Variants in LZTFL1 observed in about 807,000 individuals in gnomAD.
LZTFL1 encodes leucine zipper transcription factor like 1.
A neutral mutation model predicts 45.9 loss-of-function variants in LZTFL1; 25 were observed. That is an observed-to-expected ratio of 0.54 (90% confidence interval 0.40 to 0.76). The LOEUF (loss-of-function observed/expected upper bound fraction) is 0.76, where lower values mean the gene tolerates loss of function less well. Ranked by LOEUF, LZTFL1 falls within the 30% of genes least tolerant of loss-of-function variation. The pLI is 0.00. For missense variants in LZTFL1, 277 were observed against 331.1 expected, an observed-to-expected ratio of 0.84 and a Z score of 1.27; for synonymous variants, 93 against 117.4, an observed-to-expected ratio of 0.79 and a Z score of 1.35.
At chr3:45,870,925 T>G (rs921466095) in intron 2 of LZTFL1, among the ~76,000 whole-genome samples, 14 of 152,264 alleles carry the variant, frequency 9.2e-5, no homozygotes, top group Admixed American at 5.9e-4. Flanking sequence ...TTGAGTGTTT[T>G]GTTTTTATCA....
At chr3:45,833,383 G>T (rs1017471016) in intron 4 of LZTFL1, among the ~76,000 whole-genome samples, 82 of 152,204 alleles carry the variant, frequency 5.4e-4, no homozygotes, top group African/African-American at 1.9e-3. Flanking sequence ...TATATAGATA[G>T]AAGGAAAATG....
At chr3:45,895,025 G>A (rs987902783) in intron 2 of LZTFL1, 1 of 1,452,850 alleles carries the variant, frequency 6.9e-7, no homozygotes, top group African/African-American at 1.4e-5. Flanking sequence ...GGTGTGGGAA[G>A]GATCCACTGT....
At chr3:45,855,058 G>A in exon 4 of LZTFL1, 2 of 1,531,622 alleles carry the variant, frequency 1.3e-6, no homozygotes, top group Non-Finnish European at 1.7e-6. Flanking sequence ...CAACTTGATG[G>A]ATTTTCTCTG....
At chr3:45,869,997 G>A (rs895173322) in intron 2 of LZTFL1, among the ~76,000 whole-genome samples, 10 of 152,224 alleles carry the variant, frequency 6.6e-5, no homozygotes, top group African/African-American at 2.2e-4. Context: ...AACTCTCCAT[G>A]TCATTTTGTC....
Position 45,900,793 on chromosome 3 carries a change from CT to C in LZTFL1, c.-215+12326del. The C allele has an allele frequency of 6.3e-7, 1 of 1,597,270 alleles. No individual in the cohort carries two copies. Among genetic ancestry groups the C allele is most frequent in the Non-Finnish European group, 8.5e-7 (1 of 1,169,782 alleles). ...AATATTTTCCTTGACCTAATGCCATCTTGTGTCCCCTTGCAGAGCCCTATTC... is the reference window on the plus strand; with the variant it reads ...AATATTTTCCTTGACCTAATGCCATCTGTGTCCCCTTGCAGAGCCCTATTC... On this transcript the variant is annotated intron_variant, in intron 2 of 4. Coordinates refer to the LZTFL1 transcript ENST00000472635. This position sits in a 1 kb window ranked among gnomAD's most constrained non-coding sequence, Gnocchi z 4.7.
At chr3:45,907,939 C>T (rs1575312209) in intron 2 of LZTFL1, among the ~76,000 whole-genome samples, 1 of 152,218 alleles carries the variant, frequency 6.6e-6, no homozygotes, top group African/African-American at 2.4e-5. Flanking sequence ...GAAAGAGCTA[C>T]AGCAATGGAA....
rs149866729 is a variant in LZTFL1, at chr3:45,873,154, T to A, written c.-214-14138A>T. Among the ~76,000 whole-genome samples, 138 of 152,314 alleles carry A rather than the reference T, an allele frequency of 9.1e-4. 1 individual carries two copies. The highest frequency in any genetic ancestry group is 1.6e-3 in the Non-Finnish European group (110 of 68,008). On this transcript the variant is annotated intron_variant, in intron 2 of 4. Coordinates refer to the LZTFL1 transcript ENST00000472635. ...CTGCTAGTCCTATTCCCCAAACCAA[T>A]TTTTCAAGCTTCTCAAACTTTACTG...
intron 2 of LZTFL1, among the ~76,000 whole-genome samples, chr3:45,871,135 T>C (rs1701664559): frequency 6.6e-6 from 1 of 152,230 alleles, no homozygotes; most frequent in Non-Finnish European, 1.5e-5. Flanking sequence ...TGGTATTTCA[T>C]CTTCACCCAC....
intron 2 of LZTFL1, among the ~76,000 whole-genome samples, chr3:45,885,285 A>G (rs1701949847): frequency 6.6e-6 from 1 of 152,114 alleles, no homozygotes; most frequent in Admixed American, 6.5e-5. Context: ...AAATATATAA[A>G]AGGGATCTTT....
At chr3:45,869,562 C>G (rs1701637741) in intron 2 of LZTFL1, among the ~76,000 whole-genome samples, 1 of 152,172 alleles carries the variant, frequency 6.6e-6, no homozygotes, top group African/African-American at 2.4e-5. Flanking sequence ...TCCTCTGGTC[C>G]ATCTCTAACT....
Position 45,900,960 on chromosome 3 carries a change from G to A in LZTFL1, c.-215+12160C>T, listed in dbSNP as rs772583604. The A allele has an allele frequency of 1.1e-5, 18 of 1,610,736 alleles. No individual in the cohort carries two copies. Among genetic ancestry groups the A allele is most frequent in the South Asian group, 5.5e-5 (5 of 90,994 alleles). On this transcript the variant is annotated intron_variant, in intron 2 of 4. Coordinates refer to the LZTFL1 transcript ENST00000472635. This position sits in a 1 kb window ranked among gnomAD's most constrained non-coding sequence, Gnocchi z 4.7. Reference sequence around the variant, plus strand: ...TTTCCTCCCACCCTTGTACTGGCTCGTGTTCATCGTGGGTGCCTTGGGCAA... The same window carrying A: ...TTTCCTCCCACCCTTGTACTGGCTCATGTTCATCGTGGGTGCCTTGGGCAA...
Position 45,879,812 on chromosome 3 carries a change from G to C in LZTFL1, c.-214-20796C>G, listed in dbSNP as rs192769614. The stretch of plus-strand genomic sequence containing the variant: ...ACAATTTTGCTGTGAACCTAAAACT[G>C]CTCTAAAAAACAAAGCCTATTTAAA... On this transcript the variant is annotated intron_variant, in intron 2 of 4. Coordinates refer to the LZTFL1 transcript ENST00000472635. Among the ~76,000 whole-genome samples, 291 of 152,146 alleles carry C rather than the reference G, an allele frequency of 1.9e-3. 1 individual carries two copies. Among genetic ancestry groups the C allele is most frequent in the Non-Finnish European group, 3.1e-3 (213 of 68,012 alleles).
rs1179744965 is a variant in LZTFL1, at chr3:45,901,144, G to A, written c.-215+11976C>T. On this transcript the variant is annotated intron_variant, in intron 2 of 4. Coordinates refer to the LZTFL1 transcript ENST00000472635. This position sits in a 1 kb window ranked among gnomAD's most constrained non-coding sequence, Gnocchi z 4.3. Reference sequence around the variant, plus strand: ...CAGTGGAAGTTCCAGACCTTCATGTGCAAGGTGGTCAACAGCATGTACAAG... The same window carrying A: ...CAGTGGAAGTTCCAGACCTTCATGTACAAGGTGGTCAACAGCATGTACAAG... 6.2e-7 allele frequency: 1 copy of A among 1,614,054 alleles called. No homozygotes were observed. Among genetic ancestry groups the A allele is most frequent in the Non-Finnish European group, 8.5e-7 (1 of 1,180,024 alleles).
At chr3:45,848,885 G>A (rs1701264497) in intron 4 of LZTFL1, among the ~76,000 whole-genome samples, 1 of 151,988 alleles carries the variant, frequency 6.6e-6, no homozygotes, top group African/African-American at 2.4e-5. Context: ...ATATTTCCGT[G>A]AGTTTTTTCA....
intron 3 of LZTFL1, among the ~76,000 whole-genome samples, chr3:45,855,939 T>C (rs1701385801): frequency 1.3e-5 from 2 of 152,122 alleles, no homozygotes; most frequent in Non-Finnish European, 2.9e-5. Context: ...TGCTTATGGA[T>C]AGGAAGAATC....
At chr3:45,884,193 GC>G (rs1164054440) in intron 2 of LZTFL1, 7 of 152,372 alleles carry the variant, frequency 4.6e-5, no homozygotes, top group African/African-American at 1.7e-4. Context: ...GAGAGAAATA[GC>G]CCTTAGAAAA....
At chr3:45,828,205 C>T (rs1700716969) in intron 8 of LZTFL1, among the ~76,000 whole-genome samples, 1 of 152,202 alleles carries the variant, frequency 6.6e-6, no homozygotes, top group Non-Finnish European at 1.5e-5. Flanking sequence ...GAGCATTTCA[C>T]TACACCATAG....
Position 45,890,350 on chromosome 3 carries a change from C to CAT in LZTFL1, c.-215+22768_-215+22769dup, listed in dbSNP as rs372514163. 6.5e-3 allele frequency among the ~76,000 whole-genome samples: 150 copies of CAT among 23,068 alleles called. 44 individuals carry two copies. The highest frequency in any genetic ancestry group is 0.023 in the African/African-American group (131 of 5,730). The allele number at this position is 23,068 out of a possible 152,430, so 15.1% of individuals were successfully genotyped here. On this transcript the variant is annotated intron_variant, in intron 2 of 4. Transcript: ENST00000472635. Reference sequence around the variant, plus strand: ...ATATATATATAACATATATATATAACATATATATATATATAACATATATAA... The same window carrying CAT: ...ATATATATATAACATATATATATAACATATATATATATATATAACATATATAA...
intron 2 of LZTFL1, among the ~76,000 whole-genome samples, chr3:45,875,703 A>C (rs1701740936): frequency 6.6e-6 from 1 of 152,218 alleles, no homozygotes; most frequent in Non-Finnish European, 1.5e-5. Flanking sequence ...CAAAAGCAAA[A>C]ACAATATTCA....
Sources: allele counts gnomAD v4.1 joint callset (sites outside exome capture counted in the v4.1 genomes callset), GRCh38; gene constraint gnomAD v4.1.1; non-coding constraint Gnocchi (gnomAD v3.1); transcripts MANE v1.5; gene names NCBI Gene and HGNC (gene_info 2026-07-23, HGNC 2026-07-21).